The following SOBP variants were observed in gnomAD, a reference collection of about 807,000 sequenced individuals.
SOBP encodes the protein sine oculis binding protein homolog.
A neutral mutation model predicts 53.6 loss-of-function variants in SOBP; 4 were observed. That is an observed-to-expected ratio of 0.07 (90% CI 0.04 to 0.17). The LOEUF (loss-of-function observed/expected upper bound fraction) is 0.17. Among genes scored for constraint, SOBP ranks in the 10% least tolerant of loss-of-function variants. The probability of loss-of-function intolerance (pLI) is 1.00; values close to 1 mark genes in which losing one functional copy is unlikely to be tolerated. For synonymous variants in SOBP, 584 were observed against 522.6 expected (o/e 1.12, Z -1.60); for missense variants, 1,088 against 1,204.7 (o/e 0.90, Z 1.43).
chr6:107,574,466 C>T (rs1359952591), intron 4 of SOBP, among the ~76,000 whole-genome samples: 2 of 152,138 alleles, frequency 1.3e-5, no homozygotes, highest in Non-Finnish European at 2.9e-5. Context: ...CTGACTCTTA[C>T]TTTGATTATG....
intron 5 of SOBP, among the ~76,000 whole-genome samples, chr6:107,616,712 G>A (rs1275017506): frequency 3.9e-5 from 6 of 152,226 alleles, no homozygotes; most frequent in Admixed American, 1.3e-4. Context: ...GCGAGGGGCC[G>A]AGCGTGGATT....
intron 3 of SOBP, chr6:107,529,390 G>C (rs537475613): frequency 2.1e-6 from 2 of 953,744 alleles, no homozygotes; most frequent in African/African-American, 3.5e-5. Flanking sequence ...AGTCTCCTCA[G>C]ACTGCCTTGT....
chr6:107,611,815 A>G (rs1786609958), intron 5 of SOBP, among the ~76,000 whole-genome samples: 1 of 152,228 alleles, frequency 6.6e-6, no homozygotes. Flanking sequence ...GAATAAAAAT[A>G]GATTACTTTT....
chr6:107,593,639 C>T (rs1282241219), intron 5 of SOBP, among the ~76,000 whole-genome samples: 1 of 152,186 alleles, frequency 6.6e-6, no homozygotes, highest in Non-Finnish European at 1.5e-5. Flanking sequence ...ACAGCACCTG[C>T]CTACCTCATG....
Position 107,656,565 on chromosome 6 carries a change from T to C in SOBP, c.*4-1642T>C, listed in dbSNP as rs1461631492. ...GGTGATTTAATGTGATTGGGGGAAC[T>C]CAGGCATTTCCTGTCGTGCACAGTG... On this transcript the variant is annotated intron_variant, in intron 6 of 6. Coordinates refer to ENST00000317357, the MANE Select transcript of SOBP (RefSeq NM_018013.4). Among the ~76,000 whole-genome samples the C allele has an allele frequency of 2.0e-5, 3 of 152,214 alleles. No individual in the cohort carries two copies. The East Asian group carries it at 5.8e-4, about 29-fold the overall frequency.
intron 4 of SOBP, among the ~76,000 whole-genome samples, chr6:107,564,674 G>A (rs188442986): frequency 2.1e-4 from 31 of 147,976 alleles, no homozygotes; most frequent in Admixed American, 6.7e-5. Context: ...CCTGAGTGGC[G>A]TGGCTCAGAG....
At chr6:107,595,385 G>A (rs890816937) in intron 5 of SOBP, among the ~76,000 whole-genome samples, 4 of 113,700 alleles carry the variant, frequency 3.5e-5, no homozygotes, top group African/African-American at 1.5e-4. Context: ...GGATCACTAA[G>A]GCTATTTTAA....
intron 3 of SOBP, among the ~76,000 whole-genome samples, chr6:107,521,406 G>A (rs147447020): frequency 0.014 from 2,092 of 152,224 alleles, 52 homozygotes; most frequent in Admixed American, 0.048. Context: ...CTAAATATAG[G>A]ATTAAAAAGG....
At chr6:107,548,955 A>T (rs115734398) in intron 4 of SOBP, among the ~76,000 whole-genome samples, 2,473 of 152,092 alleles carry the variant, frequency 0.016, 59 homozygotes, top group African/African-American at 0.056. Context: ...AAATAAATAA[A>T]TAAATAAATT....
intron 5 of SOBP, among the ~76,000 whole-genome samples, chr6:107,614,119 A>G (rs1413311447): frequency 6.6e-5 from 10 of 152,190 alleles, no homozygotes; most frequent in Non-Finnish European, 2.9e-5. Flanking sequence ...CAGTAGGAGT[A>G]AGGCAGGCGC....
At chr6:107,532,218 G>T (rs1783843279) in intron 3 of SOBP, among the ~76,000 whole-genome samples, 1 of 142,016 alleles carries the variant, frequency 7.0e-6, no homozygotes, top group African/African-American at 2.6e-5. Context: ...AAGAAGAGAT[G>T]TGGCAATCAG....
At chr6:107,497,790 T>C (rs1468203513) in intron 1 of SOBP, among the ~76,000 whole-genome samples, 1 of 152,222 alleles carries the variant, frequency 6.6e-6, no homozygotes, top group Non-Finnish European at 1.5e-5. Flanking sequence ...GCATTTAGTT[T>C]GTTTCTAAGA....
At chr6:107,533,369 C>T (rs1177992747) in intron 3 of SOBP, 90 bp from the exon 4 acceptor site, 4 of 1,396,032 alleles carry the variant, frequency 2.9e-6, no homozygotes, top group Non-Finnish European at 4.0e-6. Context: ...TAAAATCAGG[C>T]CCAGGTAGCT....
rs148211868 is a variant in SOBP at position 107,587,354 on chromosome 6, A to C, written c.669+179A>C. ...ATTTTAAGATCTCAAATTGTTTGCA[A>C]ATCTTTTATATCTGATTATAGAGCT... On this transcript the variant is annotated intron_variant, in intron 5 of 6. Coordinates refer to ENST00000317357, the MANE Select transcript of SOBP (RefSeq NM_018013.4). 338 of 629,164 alleles carry C rather than the reference A, an allele frequency of 5.4e-4. 3 individuals carry two copies. In the African/African-American group the frequency reaches 5.5e-3, roughly 10 times the overall value. 39.0% of individuals were successfully genotyped at this position (629,164 alleles called of 1,614,324 possible).
intron 6 of SOBP, among the ~76,000 whole-genome samples, chr6:107,656,499 A>G (rs895802408): frequency 2.0e-5 from 3 of 152,120 alleles, no homozygotes; most frequent in Non-Finnish European, 4.4e-5. Context: ...TTGCATTTTC[A>G]CTTTGGTTAT....
intron 4 of SOBP, among the ~76,000 whole-genome samples, chr6:107,557,440 A>C (rs1479471954): frequency 6.6e-6 from 1 of 152,222 alleles, no homozygotes; most frequent in Non-Finnish European, 1.5e-5. Context: ...GAAACTATTA[A>C]AAATTATGGA....
intron 6 of SOBP, among the ~76,000 whole-genome samples, chr6:107,639,222 A>G (rs868136071): frequency 1.8e-4 from 28 of 152,360 alleles, no homozygotes; most frequent in African/African-American, 6.7e-4. Context: ...GTTTAAAAAA[A>G]TCATTTAAAA....
rs540470519 is a variant in SOBP, at chr6:107,502,081, G to A, written c.97-1576G>A. 2.0e-5 allele frequency among the ~76,000 whole-genome samples: 3 copies of A among 152,254 alleles called. No homozygotes were observed. The East Asian group carries it at 5.8e-4, about 29-fold the overall frequency. ...AAGCAAAAAATCTAGCATCCTGTGG[G>A]TAGTTTGAAATGCCAGGTTTGTTTT... On this transcript the variant is annotated intron_variant, in intron 1 of 6. Coordinates refer to ENST00000317357, the MANE Select transcript of SOBP (RefSeq NM_018013.4).
chr6:107,629,621 G>A (rs987854413), intron 5 of SOBP, among the ~76,000 whole-genome samples: 13 of 152,206 alleles, frequency 8.5e-5, no homozygotes, highest in Non-Finnish European at 1.5e-4. Context: ...AGAACCACAA[G>A]TCGTGCCTTT....
Sources: gnomAD v4.1 joint callset for allele counts (sites outside exome capture counted in the v4.1 genomes callset) on GRCh38, gnomAD v4.1.1 for gene constraint, MANE v1.5 for transcripts, NCBI Gene and HGNC (gene_info 2026-07-23, HGNC 2026-07-21) for gene names.